Variants in WDR13 observed in about 807,000 individuals in gnomAD.
The protein encoded by WDR13 is WD repeat domain 13, also known as WD repeat-containing protein 13.
In WDR13, 1 loss-of-function variant was observed where a neutral mutation model predicts 28.6. That is an observed-to-expected ratio of 0.03 (90% CI 0.01 to 0.17). WDR13 has a LOEUF of 0.17. WDR13 is among the 10% of genes least tolerant of loss of function. The probability of loss-of-function intolerance (pLI) is 1.00; values close to 1 mark genes in which losing one functional copy is unlikely to be tolerated. For synonymous variants in WDR13, 201 were observed against 185.9 expected, an observed-to-expected ratio of 1.08 and a Z score of -0.66; for missense variants, 264 against 469.3, an observed-to-expected ratio of 0.56 and a Z score of 4.04.
intron 8 of WDR13, among the ~76,000 whole-genome samples, chrX:48,603,758 C>T (rs1248802430): frequency 9.0e-6 from 1 of 111,572 alleles, no homozygotes; most frequent in Non-Finnish European, 1.9e-5. Flanking sequence ...GTTTTATTCT[C>T]TCTAAGGGCT....
In WDR13 at chrX:48,600,448, G is replaced by A. The variant is rs781891872; in HGVS notation, c.653G>A (p.Arg218His). ...TVLRVLRGHT[R>H]GVSDFAWSLS... ...CTTCGCGTGCTACGGGGCCACACCC[G>A]TGGTGTCTCCGACTTCGCCTGGTCC... is the stretch of plus-strand genomic sequence containing the variant. The change falls in exon 6 of 10, where the codon CGT (arginine) becomes CAT (histidine). Residue 218 changes from arginine (R) to histidine (H), a missense_variant. Arg to His is a conservative substitution (Grantham distance 29, BLOSUM62 0). Coordinates refer to ENST00000376729, the MANE Select transcript of WDR13 (RefSeq NM_001347217.2). 7.4e-6 allele frequency: 9 copies of A among 1,211,417 alleles called. No individual in the cohort carries two copies. Among genetic ancestry groups the A allele is most frequent in the Middle Eastern group, 2.3e-4 (1 of 4,370 alleles).
chrX:48,602,014 A>G, intron 7 of WDR13, 50 bp downstream of exon 7: 1 of 1,197,885 alleles, frequency 8.3e-7, no homozygotes, highest in African/African-American at 1.7e-5. Context: ...CAGCCCTCCC[A>G]GGGCACAGCC....
In WDR13 at chrX:48,598,759, G is replaced by A. The variant is rs1556993495; in HGVS notation, c.84G>A (p.Thr28=). Residue 28 remains threonine (T), a synonymous_variant, in exon 3 of 10, where the codon ACG becomes ACA. Transcript: ENST00000376729. ...YRTPTFPQFR[T]QYIRRRSQLL... ...CACCAACGTTTCCACAGTTTCGGAC[G>A]CAGTATATCCGCCGGCGCAGCCAGC... The A allele has an allele frequency of 6.6e-6, 8 of 1,205,702 alleles. No homozygotes were observed. In the East Asian group the frequency reaches 1.2e-4, roughly 18 times the overall value.
chrX:48,604,745 C>T (rs2062210852), intron 9 of WDR13, 103 bp from the exon 10 acceptor site: 1 of 969,552 alleles, frequency 1.0e-6, no homozygotes, highest in South Asian at 2.4e-5. Context: ...GCTAGGACCT[C>T]ACACCTCGGA....
chrX:48,603,293 C>T (rs1203751923), intron 8 of WDR13, among the ~76,000 whole-genome samples: 4 of 111,980 alleles, frequency 3.6e-5, no homozygotes, highest in African/African-American at 1.3e-4. Context: ...GCTGGGATTA[C>T]AGACGTGAGC....
Position 48,606,817 on chromosome X carries a change from C to G in WDR13, c.*1785C>G, listed in dbSNP as rs1429083386. 8.9e-6 allele frequency: 1 copy of G among 112,029 alleles called. No individual in the cohort carries two copies. 9.2% of individuals were successfully genotyped at this position (112,029 alleles called of 1,213,427 possible). A position where few individuals can be genotyped will look rare whatever the true frequency, so the allele number is the denominator to read the frequency against. ...GTCAGTCCACAGCGTGGTAGAGACT[C>G]CAGCTTGGCCCAGCATTGCTGAGCT... On this transcript the variant is annotated 3_prime_UTR_variant, in exon 10 of 10. Coordinates refer to ENST00000376729, the MANE Select transcript of WDR13 (RefSeq NM_001347217.2).
chrX:48,603,969 C>T (rs1351035002), intron 8 of WDR13, among the ~76,000 whole-genome samples: 2 of 110,875 alleles, frequency 1.8e-5, no homozygotes, highest in Non-Finnish European at 3.8e-5. Context: ...TTTATGTAGT[C>T]ATCTCAGAAT....
At chrX:48,604,457 C>T in intron 9 of WDR13, 67 bp downstream of exon 9, 2 of 973,988 alleles carry the variant, frequency 2.1e-6, no homozygotes, top group South Asian at 4.2e-5. Flanking sequence ...TGGTGCCAAC[C>T]TGGCTCAGAC....
intron 6 of WDR13, among the ~76,000 whole-genome samples, chrX:48,601,358 G>A (rs893399788): frequency 3.6e-5 from 4 of 112,306 alleles, no homozygotes; most frequent in Non-Finnish European, 5.6e-5. Flanking sequence ...GGTGTGGCCC[G>A]GGGTGTAGTG....
At chrX:48,602,261 C>T in intron 8 of WDR13, 55 bp downstream of exon 8, 1 of 1,135,136 alleles carries the variant, frequency 8.8e-7, no homozygotes, top group Non-Finnish European at 1.2e-6. Flanking sequence ...CTCCAGCACA[C>T]TGGGACAGTA....
intron 3 of WDR13, 39 bp downstream of exon 3, chrX:48,598,996 C>G (rs782548116): frequency 8.5e-7 from 1 of 1,170,454 alleles, no homozygotes. Flanking sequence ...GCATACCCTG[C>G]CTGCACACAT....
chrX:48,598,217 T>C (rs1556993250), intron 2 of WDR13, 180 bp downstream of exon 2: 2 of 1,111,309 alleles, frequency 1.8e-6, no homozygotes, highest in East Asian at 3.5e-5. Context: ...GAGAGGATTC[T>C]AAACAGCAAG....
Position 48,597,984 on chromosome X carries a change from A to G in WDR13, c.-13A>G, listed in dbSNP as rs1288526405. On this transcript the variant is annotated 5_prime_UTR_variant, in exon 2 of 10. Coordinates refer to ENST00000376729, the MANE Select transcript of WDR13 (RefSeq NM_001347217.2). Reference sequence around the variant, plus strand: ...CTGCCGCGGGCGGACACGCCAGAGGAGGAGGCCGGGGAATGGCCGCGGTGT... The same window carrying G: ...CTGCCGCGGGCGGACACGCCAGAGGGGGAGGCCGGGGAATGGCCGCGGTGT... 3.4e-6 allele frequency: 4 copies of G among 1,164,145 alleles called. No individual in the cohort carries two copies. Among genetic ancestry groups the G allele is most frequent in the Non-Finnish European group, 4.6e-6 (4 of 871,922 alleles).
chrX:48,604,798 C>T, intron 9 of WDR13, 50 bp from the exon 10 acceptor site: 1 of 1,174,325 alleles, frequency 8.5e-7, no homozygotes. Context: ...GACTTCCCAC[C>T]AGGGGCACCC....
At chrX:48,601,202 T>C (rs2062183264) in intron 6 of WDR13, among the ~76,000 whole-genome samples, 1 of 112,649 alleles carries the variant, frequency 8.9e-6, no homozygotes, top group Non-Finnish European at 1.9e-5. Context: ...TCCCATCAGC[T>C]ACAGTCCTAC....
chrX:48,603,597 G>A (rs998705125), intron 8 of WDR13, among the ~76,000 whole-genome samples: 3 of 111,666 alleles, frequency 2.7e-5, no homozygotes, highest in Non-Finnish European at 3.8e-5. Flanking sequence ...GCAGCGAGGC[G>A]AGATCGTGCC....
Position 48,600,464 on chromosome X carries a change from C to T in WDR13, c.669C>T (p.Phe223=), listed in dbSNP as rs1419780946. 4.9e-6 allele frequency: 6 copies of T among 1,212,464 alleles called. No individual in the cohort carries two copies. Among genetic ancestry groups the T allele is most frequent in the Non-Finnish European group, 6.7e-6 (6 of 895,690 alleles). Reference sequence around the variant, plus strand: ...GCCACACCCGTGGTGTCTCCGACTTCGCCTGGTCCCTCTCCAATGACATCC... The same window carrying T: ...GCCACACCCGTGGTGTCTCCGACTTTGCCTGGTCCCTCTCCAATGACATCC... ...LRGHTRGVSD[F]AWSLSNDILV... The change falls in exon 6 of 10, where the codon TTC becomes TTT. Residue 223 remains phenylalanine, a synonymous_variant. Transcript: ENST00000376729.
chrX:48,599,145 C>T, intron 3 of WDR13, 188 bp downstream of exon 3: 2 of 739,009 alleles, frequency 2.7e-6, no homozygotes, highest in Non-Finnish European at 3.9e-6. Flanking sequence ...ATAGCAAGCC[C>T]TGTCTTTAGT....
intron 9 of WDR13, 133 bp downstream of exon 9, chrX:48,604,523 G>A (rs2062209263): frequency 1.9e-6 from 1 of 537,292 alleles, no homozygotes; most frequent in East Asian, 3.6e-5. Context: ...TGCCCCAACA[G>A]CCTCACTGTG....
Sources: gnomAD v4.1 joint callset for allele counts (sites outside exome capture counted in the v4.1 genomes callset) on GRCh38, gnomAD v4.1.1 for gene constraint, MANE v1.5 for transcripts, NCBI Gene and HGNC (gene_info 2026-07-23, HGNC 2026-07-21) for gene names.